Variants in ANKRD36B observed in about 807,000 individuals in gnomAD.
The protein encoded by ANKRD36B is ankyrin repeat domain-containing protein 36B.
A neutral mutation model predicts 135.7 loss-of-function variants in ANKRD36B; 37 were observed. The observed-to-expected ratio is 0.27, with a 90% confidence interval of 0.21 to 0.36. The LOEUF (loss-of-function observed/expected upper bound fraction) is 0.36, where lower values mean the gene tolerates loss of function less well. Among genes scored for constraint, ANKRD36B ranks in the 10% least tolerant of loss-of-function variants. The pLI, the probability that ANKRD36B is intolerant of heterozygous loss-of-function variation, is 1.00. For synonymous variants in ANKRD36B, 179 were observed against 348.1 expected (o/e 0.51, Z 5.41); for missense variants, 549 against 1,037.1 (o/e 0.53, Z 6.46).
chr2:97,553,285 A>C (rs753674921), intron 15 of ANKRD36B, 45 bp from the exon 16 acceptor site: 1 of 1,600,342 alleles, frequency 6.2e-7, no homozygotes, highest in Admixed American at 1.7e-5. Flanking sequence ...AAATAAATGA[A>C]GTATGTTTCA....
At chr2:97,553,479 A>C in intron 14 of ANKRD36B, 108 bp from the exon 15 acceptor site, 1 of 1,332,118 alleles carries the variant, frequency 7.5e-7, no homozygotes, top group Non-Finnish European at 1.0e-6. Context: ...GTATTAGTGT[A>C]GGCTTTGATG....
At chr2:97,566,184 G>A (rs569047236) in intron 6 of ANKRD36B, among the ~76,000 whole-genome samples, 25 of 151,962 alleles carry the variant, frequency 1.6e-4, no homozygotes, top group African/African-American at 5.5e-4. Flanking sequence ...AGCTGAGTGC[G>A]GTGGCACACG....
At position 97,527,273 on chromosome 2, in the gene ANKRD36B, T is replaced by G. The variant is rs1300169591; in HGVS notation, c.2266-3806A>C. Among the ~76,000 whole-genome samples, 3 of 95,188 alleles carry G rather than the reference T, an allele frequency of 3.2e-5. 1 individual carries two copies. Among genetic ancestry groups the G allele is most frequent in the African/African-American group, 9.5e-5 (3 of 31,482 alleles). The allele number at this position is 95,188 out of a possible 152,430, so 62.4% of individuals were successfully genotyped here. A position where few individuals can be genotyped will look rare whatever the true frequency, so the allele number is the denominator to read the frequency against. On this transcript the variant is annotated intron_variant, in intron 35 of 43. Transcript: ENST00000359901. ...TTCAACATTCTTAAAGAAAAGAATTTTCAACCCAGAATTTTGTACCCAGCC... is the reference window on the plus strand; with the variant it reads ...TTCAACATTCTTAAAGAAAAGAATTGTCAACCCAGAATTTTGTACCCAGCC...
At chr2:97,573,066 C>A (rs2081989668) in intron 6 of ANKRD36B, among the ~76,000 whole-genome samples, 1 of 151,898 alleles carries the variant, frequency 6.6e-6, no homozygotes, top group Non-Finnish European at 1.5e-5. Flanking sequence ...CTCCCCACTC[C>A]CCCCACCCCA....
intron 22 of ANKRD36B, chr2:97,547,199 A>C: frequency 3.7e-6 from 1 of 273,046 alleles, no homozygotes; most frequent in Non-Finnish European, 7.1e-6. Flanking sequence ...AAGTGTGTAA[A>C]TTCTATACTT....
Position 97,536,150 on chromosome 2 carries a change from T to C in ANKRD36B, c.2191+150A>G, listed in dbSNP as rs563907611. On this transcript the variant is annotated intron_variant, in intron 34 of 43. Transcript: ENST00000359901. ...TGCATGTAAATCTCATTTTTGAAAA[T>C]ATAAATAAAAATGATAACAGCTGCA... 1.5e-4 allele frequency: 58 copies of C among 383,008 alleles called. 10 individuals are homozygous for C. Among genetic ancestry groups the C allele is most frequent in the South Asian group, 1.1e-3 (47 of 43,466 alleles). The allele number at this position is 383,008 out of a possible 1,614,324, so 23.7% of individuals were successfully genotyped here. A position where few individuals can be genotyped will look rare whatever the true frequency, so the allele number is the denominator to read the frequency against.
At chr2:97,548,326 T>A (rs1037357802) in intron 20 of ANKRD36B, among the ~76,000 whole-genome samples, 2 of 151,926 alleles carry the variant, frequency 1.3e-5, no homozygotes, top group Non-Finnish European at 2.9e-5. Context: ...TATGGTGTAA[T>A]AATCTGCCTA....
At chr2:97,527,067 C>T (rs2078254892) in intron 35 of ANKRD36B, among the ~76,000 whole-genome samples, 1 of 94,788 alleles carries the variant, frequency 1.1e-5, no homozygotes, top group Non-Finnish European at 2.8e-5. Flanking sequence ...CACAAAGATA[C>T]CCCTCGAGAA....
Position 97,549,597 on chromosome 2 carries a change from G to A in ANKRD36B, c.1393C>T (p.Pro465Ser), listed in dbSNP as rs369225116. ...ISRTVSSQKP[P>S]ALKATSVKED... ...GAGAGTTTCATTACCTTCAAGGCTG[G>A]TGGTTTCTGAGAAGACACTGAAAAG... Residue 465 changes from proline (P) to serine (S), a missense_variant, in exon 19 of 44, where the codon CCA becomes TCA. Physicochemically the swap from Pro to Ser is moderately conservative, Grantham distance 74. Coordinates refer to ENST00000359901, the MANE Select transcript of ANKRD36B (RefSeq NM_001393939.1). 101 of 1,608,696 alleles carry A rather than the reference G, an allele frequency of 6.3e-5. No homozygotes were observed. In the Middle Eastern group the frequency reaches 1.0e-3, roughly 17 times the overall value.
intron 6 of ANKRD36B, among the ~76,000 whole-genome samples, chr2:97,573,872 T>C (rs2082053082): frequency 1.3e-5 from 2 of 152,178 alleles, no homozygotes; most frequent in South Asian, 2.1e-4. Flanking sequence ...CCTTACATCT[T>C]ATACAAAAAT....
Position 97,536,203 on chromosome 2 carries a change from T to C in ANKRD36B, c.2191+97A>G. 2 of 498,188 alleles carry C rather than the reference T, an allele frequency of 4.0e-6. 1 individual carries two copies. Among genetic ancestry groups the C allele is most frequent in the Non-Finnish European group, 7.3e-6 (2 of 275,244 alleles). 30.9% of individuals were successfully genotyped at this position (498,188 alleles called of 1,614,324 possible). A position where few individuals can be genotyped will look rare whatever the true frequency, so the allele number is the denominator to read the frequency against. ...ATTTAGATGAAATCCTGAAATAAAATATAAAAAGTGAAATAATTGAGAATA... is the reference window on the plus strand; with the variant it reads ...ATTTAGATGAAATCCTGAAATAAAACATAAAAAGTGAAATAATTGAGAATA... On this transcript the variant is annotated intron_variant, in intron 34 of 43. Coordinates refer to ENST00000359901, the MANE Select transcript of ANKRD36B (RefSeq NM_001393939.1).
At chr2:97,549,535 T>G (rs751337820) in intron 19 of ANKRD36B, 44 bp from the exon 20 acceptor site, 6 of 1,606,940 alleles carry the variant, frequency 3.7e-6, no homozygotes. Flanking sequence ...TAAAGTATGT[T>G]TCATAGACCA....
chr2:97,582,668 A>G (rs2082703792), intron 3 of ANKRD36B, among the ~76,000 whole-genome samples: 1 of 152,202 alleles, frequency 6.6e-6, no homozygotes, highest in Non-Finnish European at 1.5e-5. Context: ...CATTTGGACT[A>G]TATACCTTGT....
intron 5 of ANKRD36B, 21 bp downstream of exon 5, chr2:97,578,885 C>G (rs755240862): frequency 2.4e-5 from 39 of 1,607,658 alleles, no homozygotes; most frequent in African/African-American, 4.0e-5. Context: ...TGTTCATTAG[C>G]CTTTTTACGT....
intron 12 of ANKRD36B, 116 bp downstream of exon 12, chr2:97,556,821 C>G: frequency 1.4e-6 from 2 of 1,466,582 alleles, no homozygotes; most frequent in African/African-American, 1.4e-5. Flanking sequence ...TGCACAATCT[C>G]AGGCCTGCTG....
At chr2:97,551,232 G>A (rs1231219392) in intron 18 of ANKRD36B, 57 bp downstream of exon 18, 4 of 1,532,530 alleles carry the variant, frequency 2.6e-6, no homozygotes, top group Non-Finnish European at 3.5e-6. Context: ...ATTTATTCGG[G>A]GAAGAGAACT....
rs1216822486 is a variant in ANKRD36B at position 97,589,509 on chromosome 2, T to C, written c.161+16A>G. 1 of 1,561,216 alleles carries C rather than the reference T, an allele frequency of 6.4e-7. No individual in the cohort carries two copies. The highest frequency in any genetic ancestry group is 2.4e-5 in the East Asian group (1 of 42,406). On this transcript the variant is annotated intron_variant, in intron 1 of 43. Coordinates refer to ENST00000359901, the MANE Select transcript of ANKRD36B (RefSeq NM_001393939.1). ...ACAGGCCTCCTCCCGCAGCCCCGGC[T>C]CCCGGCCCCCATTACCTTTCCTTCC...
At position 97,558,858 on chromosome 2, in the gene ANKRD36B, T is replaced by C. The variant is rs2080763941; in HGVS notation, c.908A>G (p.Glu303Gly). 6.2e-7 allele frequency: 1 copy of C among 1,611,228 alleles called. No homozygotes were observed. Among genetic ancestry groups the C allele is most frequent in the Non-Finnish European group, 8.5e-7 (1 of 1,178,798 alleles). The part of the protein sequence containing the change: ...KQPAEKATSD[E>G]KDSVSNIATE... ...GGCTATATTTGAAACAGAATCTTTC[T>C]CGTCACTTGTAGCCTGAATGGGATT... The change falls in exon 10 of 44, where the codon GAG becomes GGG. Residue 303 changes from glutamate (E) to glycine (G), a missense_variant. By Grantham distance (98) the Glu-to-Gly change is moderately conservative. Coordinates refer to ENST00000359901, the MANE Select transcript of ANKRD36B (RefSeq NM_001393939.1).
At position 97,531,782 on chromosome 2, in the gene ANKRD36B, G is replaced by A. The variant is rs538558537; in HGVS notation, c.2265+529C>T. ...TAATACCAAAGGTGCCATTTTGCAA[G>A]GTATAATTCTCTTGATAGCCAGTTG... On this transcript the variant is annotated intron_variant, in intron 35 of 43. Transcript: ENST00000359901. Among the ~76,000 whole-genome samples the A allele has an allele frequency of 8.3e-5, 8 of 96,122 alleles. 1 individual carries two copies. The South Asian group carries it at 1.9e-3, about 23-fold the overall frequency. The allele number at this position is 96,122 out of a possible 152,430, so 63.1% of individuals were successfully genotyped here. A position where few individuals can be genotyped will look rare whatever the true frequency, so the allele number is the denominator to read the frequency against.
Sources: allele counts gnomAD v4.1 joint callset (sites outside exome capture counted in the v4.1 genomes callset), GRCh38; gene constraint gnomAD v4.1.1; transcripts MANE v1.5; gene names NCBI Gene and HGNC (gene_info 2026-07-23, HGNC 2026-07-21).